BTNL8: variants seen among roughly 807,000 people sequenced by gnomAD.
BTNL8 encodes butyrophilin-like protein 8.
In BTNL8, 22 loss-of-function variants were observed where a neutral mutation model predicts 36.1. The observed-to-expected ratio is 0.61, with a 90% CI of 0.44 to 0.87. BTNL8 has a LOEUF of 0.87. Among genes scored for constraint, BTNL8 ranks in the 40% least tolerant of loss-of-function variants. The pLI is 0.00. For missense variants in BTNL8, 526 were observed against 616.9 expected, an observed-to-expected ratio of 0.85 and a Z score of 1.56; for synonymous variants, 203 against 235.6, an observed-to-expected ratio of 0.86 and a Z score of 1.27.
chr5:180,938,314 G>GC (rs1758752785), intron 3 of BTNL8, among the ~76,000 whole-genome samples: 1 of 152,108 alleles, frequency 6.6e-6, no homozygotes, highest in African/African-American at 2.4e-5. Flanking sequence ...TGAAAACTTT[G>GC]CAAGTCCTGG....
chr5:180,933,046 A>G (rs1450694170), intron 3 of BTNL8, among the ~76,000 whole-genome samples: 3 of 152,182 alleles, frequency 2.0e-5, no homozygotes, highest in Admixed American at 6.5e-5. Flanking sequence ...TATATGAGAC[A>G]AAATAGACTT....
intron 3 of BTNL8, among the ~76,000 whole-genome samples, chr5:180,918,928 C>T (rs1231404289): frequency 6.6e-6 from 1 of 152,072 alleles, no homozygotes; most frequent in Non-Finnish European, 1.5e-5. Flanking sequence ...AGTGGCGACC[C>T]TTAGAGGCAA....
chr5:180,927,594 G>C (rs1390903880), intron 3 of BTNL8, among the ~76,000 whole-genome samples: 1 of 152,168 alleles, frequency 6.6e-6, no homozygotes, highest in African/African-American at 2.4e-5. Flanking sequence ...AAAAAGGTTA[G>C]AGGAGCTGCT....
chr5:180,900,772 C>T (rs749719456), intron 1 of BTNL8, among the ~76,000 whole-genome samples: 2 of 152,174 alleles, frequency 1.3e-5, no homozygotes, highest in African/African-American at 4.8e-5. Context: ...CGCTAATGAG[C>T]GTTGCTGCGG....
chr5:180,931,655 G>A (rs1167619225), intron 3 of BTNL8, among the ~76,000 whole-genome samples: 1 of 152,168 alleles, frequency 6.6e-6, no homozygotes, highest in Non-Finnish European at 1.5e-5. Flanking sequence ...GGAAGGATAT[G>A]AACAGACACT....
chr5:180,910,202 A>G (rs913365993), intron 2 of BTNL8, among the ~76,000 whole-genome samples: 1 of 152,122 alleles, frequency 6.6e-6, no homozygotes, highest in Non-Finnish European at 1.5e-5. Flanking sequence ...GTGGAGTCCT[A>G]ATTAGGGAAA....
intron 1 of BTNL8, among the ~76,000 whole-genome samples, chr5:180,900,738 G>A (rs1364338638): frequency 6.6e-6 from 1 of 152,202 alleles, no homozygotes; most frequent in African/African-American, 2.4e-5. Context: ...AGTGAAGCCA[G>A]TAGGGGGAAA....
At chr5:180,924,506 A>T in intron 3 of BTNL8, among the ~76,000 whole-genome samples, 1 of 152,226 alleles carries the variant, frequency 6.6e-6, no homozygotes, top group East Asian at 1.9e-4. Flanking sequence ...CCCAATCAGC[A>T]GCACCACCTG....
At chr5:180,900,559 C>T (rs559027278) in intron 1 of BTNL8, among the ~76,000 whole-genome samples, 1 of 152,272 alleles carries the variant, frequency 6.6e-6, no homozygotes, top group East Asian at 1.9e-4. Flanking sequence ...ATGGAGGTAC[C>T]CTGAAAAATG....
At chr5:180,922,331 T>A (rs949232355) in intron 3 of BTNL8, among the ~76,000 whole-genome samples, 5 of 152,058 alleles carry the variant, frequency 3.3e-5, no homozygotes, top group African/African-American at 1.2e-4. Context: ...AGTTGTTTAG[T>A]GCTATAAAGT....
Position 180,949,895 on chromosome 5 carries a change from G to A in BTNL8, c.863-9G>A, listed in dbSNP as rs965272571. 4.1e-5 allele frequency: 59 copies of A among 1,448,290 alleles called. 17 individuals carry two copies. The highest frequency in any genetic ancestry group is 7.4e-5 in the East Asian group (3 of 40,762). The allele number at this position is 1,448,290 out of a possible 1,614,324, so 89.7% of individuals were successfully genotyped here. A position where few individuals can be genotyped will look rare whatever the true frequency, so the allele number is the denominator to read the frequency against. On this transcript the variant is annotated splice_polypyrimidine_tract_variant and intron_variant, in intron 7 of 7. Coordinates refer to ENST00000340184, the MANE Select transcript of BTNL8 (RefSeq NM_001040462.3). ...ACTCATGCTTCCTCTCTCCCCCACC[G>A]CACCCCAGTGGAGGTGACTCTGGAT...
At chr5:180,915,620 A>AG (rs1757593283) in intron 3 of BTNL8, among the ~76,000 whole-genome samples, 1 of 152,064 alleles carries the variant, frequency 6.6e-6, no homozygotes, top group Non-Finnish European at 1.5e-5. Flanking sequence ...AGTACAGACT[A>AG]GAGGAGGAGG....
intron 3 of BTNL8, among the ~76,000 whole-genome samples, chr5:180,929,551 A>G (rs1193400480): frequency 9.9e-6 from 1 of 101,238 alleles, no homozygotes; most frequent in African/African-American, 9.5e-5. Context: ...GATTAACAAA[A>G]TAGATAGACC....
At position 180,950,711 on chromosome 5, in the gene BTNL8, A is replaced by G. The variant is rs1008046734; in HGVS notation, c.*167A>G. On this transcript the variant is annotated 3_prime_UTR_variant, in exon 8 of 8. Coordinates refer to ENST00000340184, the MANE Select transcript of BTNL8 (RefSeq NM_001040462.3). ...TGAGCTGGGAGGGAAGAAGGCTGAC[A>G]TTACATTTAGTTTGCTCTCACTCCA... 9.7e-6 allele frequency: 7 copies of G among 721,098 alleles called. 2 individuals are homozygous for G. The highest frequency in any genetic ancestry group is 5.3e-5 in the African/African-American group (3 of 57,040). 44.7% of individuals were successfully genotyped at this position (721,098 alleles called of 1,614,324 possible).
intron 3 of BTNL8, among the ~76,000 whole-genome samples, chr5:180,915,568 G>T (rs536982827): frequency 1.3e-5 from 2 of 152,236 alleles, no homozygotes; most frequent in Admixed American, 6.5e-5. Context: ...AGAGTATCTA[G>T]CCAGGCTGAC....
rs1758624879 is a variant in BTNL8 at position 180,935,771 on chromosome 5, C to T, written c.674-11741C>T. On this transcript the variant is annotated intron_variant, in intron 3 of 7. Transcript: ENST00000340184. The surrounding 1 kb of genome is among the most constrained non-coding windows in gnomAD (Gnocchi z 4.8). ...ACCTGGCTCCATGGAGCACATGGCC[C>T]CAGCCACACCTCCCCTGCTGCAGCC... Among the ~76,000 whole-genome samples, 1 of 152,106 alleles carries T rather than the reference C, an allele frequency of 6.6e-6. No individual in the cohort carries two copies. The highest frequency in any genetic ancestry group is 1.5e-5 in the Non-Finnish European group (1 of 68,016).
chr5:180,921,239 AT>A (rs2113806098), intron 3 of BTNL8, among the ~76,000 whole-genome samples: 1 of 152,240 alleles, frequency 6.6e-6, no homozygotes, highest in African/African-American at 2.4e-5. Context: ...TTCCATGTTT[AT>A]TGTGGCATAG....
At chr5:180,907,669 C>G (rs916656823) in intron 1 of BTNL8, among the ~76,000 whole-genome samples, 1 of 151,704 alleles carries the variant, frequency 6.6e-6, no homozygotes, top group African/African-American at 2.4e-5. Context: ...TACTTTTGGT[C>G]TTTGATGATG....
chr5:180,916,565 A>G (rs1421504025), intron 3 of BTNL8, among the ~76,000 whole-genome samples: 1 of 152,138 alleles, frequency 6.6e-6, no homozygotes, highest in East Asian at 1.9e-4. Flanking sequence ...AAAATTGACA[A>G]GCCTTTACCT....
Sources: gnomAD v4.1 joint callset for allele counts (sites outside exome capture counted in the v4.1 genomes callset) on GRCh38, gnomAD v4.1.1 for gene constraint, Gnocchi (gnomAD v3.1) non-coding constraint, MANE v1.5 for transcripts, NCBI Gene and HGNC (gene_info 2026-07-23, HGNC 2026-07-21) for gene names.